Variants in PEX5L observed in about 807,000 individuals in gnomAD.
The protein encoded by PEX5L is peroxisomal biogenesis factor 5 like, also known as PEX5-related protein.
Under a neutral mutation model 84.0 loss-of-function variants are expected in PEX5L, and 30 were observed. The observed-to-expected ratio is 0.36, with a 90% CI of 0.27 to 0.48. PEX5L has a LOEUF of 0.48. PEX5L is among the 20% of genes least tolerant of loss of function. The pLI, the probability that PEX5L is intolerant of heterozygous loss-of-function variation, is 0.99. For synonymous variants in PEX5L, 270 were observed against 283.1 expected, an observed-to-expected ratio of 0.95 and a Z score of 0.46; for missense variants, 533 against 754.6, an observed-to-expected ratio of 0.71 and a Z score of 3.44.
intron 2 of PEX5L, among the ~76,000 whole-genome samples, chr3:179,903,608 A>T (rs1762163938): frequency 6.6e-6 from 1 of 152,182 alleles, no homozygotes; most frequent in Admixed American, 6.5e-5. Context: ...CCAAAAGGCT[A>T]ATTTTTGATG....
chr3:179,840,193 T>TG (rs1736647549), intron 8 of PEX5L, among the ~76,000 whole-genome samples: 4 of 144,006 alleles, frequency 2.8e-5, no homozygotes, highest in Admixed American at 6.9e-5. Context: ...GTTTTTTTTT[T>TG]TTTTTTTTTT....
chr3:179,984,218 C>T (rs1362998559), intron 1 of PEX5L, among the ~76,000 whole-genome samples: 1 of 151,910 alleles, frequency 6.6e-6, no homozygotes, highest in East Asian at 1.9e-4. Context: ...TTTTTTATTC[C>T]TATATTTCAA....
chr3:180,036,720 C>CA lies in PEX5L; in HGVS notation c.-122_-121insT. The CA allele has an allele frequency of 9.5e-7, 1 of 1,049,938 alleles. No individual in the cohort carries two copies. Among genetic ancestry groups the CA allele is most frequent in the Non-Finnish European group, 1.5e-6 (1 of 673,414 alleles). 65.0% of individuals were successfully genotyped at this position (1,049,938 alleles called of 1,614,324 possible). On this transcript the variant is annotated 5_prime_UTR_variant, in exon 1 of 15. Coordinates refer to ENST00000467460, the MANE Select transcript of PEX5L (RefSeq NM_016559.3). Reference sequence around the variant, plus strand: ...CGGGTTCTCAGAGGGTGCTCCTGAGCCCCCTGGAGCTCCGGGTACTCGGCC... The same window carrying CA: ...CGGGTTCTCAGAGGGTGCTCCTGAGCACCCCTGGAGCTCCGGGTACTCGGCC...
At chr3:179,929,463 A>AC (rs894498462) in intron 2 of PEX5L, among the ~76,000 whole-genome samples, 14 of 150,924 alleles carry the variant, frequency 9.3e-5, no homozygotes, top group African/African-American at 3.4e-4. Flanking sequence ...TTCATATTGC[A>AC]TTAGGTTGCA....
intron 1 of PEX5L, among the ~76,000 whole-genome samples, chr3:180,032,910 A>G (rs1477616422): frequency 6.6e-6 from 1 of 152,142 alleles, no homozygotes; most frequent in Admixed American, 6.5e-5. Context: ...AGAGAGGTGG[A>G]AGTACCCATG....
intron 1 of PEX5L, among the ~76,000 whole-genome samples, chr3:180,014,791 C>A (rs1373639855): frequency 6.7e-6 from 1 of 150,252 alleles, no homozygotes; most frequent in Admixed American, 6.6e-5. Flanking sequence ...AGCAGAGGAA[C>A]AAAGAAAAAC....
chr3:179,820,968 G>C (rs1199807729), intron 8 of PEX5L, among the ~76,000 whole-genome samples: 2 of 152,196 alleles, frequency 1.3e-5, no homozygotes, highest in Non-Finnish European at 1.5e-5. Context: ...CTTGATATCA[G>C]AGAGGAGGAC....
chr3:180,001,763 T>C (rs563111366), intron 1 of PEX5L, among the ~76,000 whole-genome samples: 3 of 152,324 alleles, frequency 2.0e-5, no homozygotes, highest in African/African-American at 4.8e-5. Context: ...GCTATTTTTA[T>C]AGTTTAGTCT....
chr3:179,899,944 A>G (rs1760740572), intron 2 of PEX5L, among the ~76,000 whole-genome samples: 1 of 152,242 alleles, frequency 6.6e-6, no homozygotes, highest in African/African-American at 2.4e-5. Context: ...GATTCATTGC[A>G]TAACAAATTG....
In PEX5L at chr3:179,807,739, A is replaced by G. The variant is rs1304280249; in HGVS notation, c.1611T>C (p.Ile537=). 6.2e-7 allele frequency: 1 copy of G among 1,614,058 alleles called. No individual in the cohort carries two copies. The highest frequency in any genetic ancestry group is 8.5e-7 in the Non-Finnish European group (1 of 1,180,034). The part of the protein sequence containing the change: ...AVEAYTRALE[I]QPGFIRSRYN... ...ATCTGGACCGGATGAATCCTGGCTG[A>G]ATCTCCAGTGCTCGCGTATAGGCCT... The change falls in exon 14 of 15, where the codon ATT becomes ATC. Residue 537 remains isoleucine (I), a synonymous_variant. Transcript: ENST00000467460.
intron 7 of PEX5L, among the ~76,000 whole-genome samples, chr3:179,870,824 G>A (rs1375707194): frequency 6.6e-6 from 1 of 152,074 alleles, no homozygotes; most frequent in African/African-American, 2.4e-5. Context: ...AACTTCCAGA[G>A]GTGGAAAGAA....
At position 179,909,582 on chromosome 3, in the gene PEX5L, T is replaced by C. The variant is rs144559767; in HGVS notation, c.94-11336A>G. ...ATAATAACAAACCAGTTTCTAATGA[T>C]TTGGGATTAATAACTGTCAGGAGCT... On this transcript the variant is annotated intron_variant, in intron 2 of 14. Coordinates refer to ENST00000467460, the MANE Select transcript of PEX5L (RefSeq NM_016559.3). 3.1e-4 allele frequency among the ~76,000 whole-genome samples: 47 copies of C among 152,294 alleles called. No homozygotes were observed. In the East Asian group the frequency reaches 9.1e-3, roughly 29 times the overall value.
At chr3:179,924,497 C>A (rs561880387) in intron 2 of PEX5L, among the ~76,000 whole-genome samples, 1 of 152,162 alleles carries the variant, frequency 6.6e-6, no homozygotes, top group Non-Finnish European at 1.5e-5. Flanking sequence ...ACTCTTACCA[C>A]GGCAAACACT....
rs757675732 is a variant in PEX5L at position 179,898,144 on chromosome 3, G to A, written c.196C>T (p.Gln66Ter). The A allele has an allele frequency of 6.3e-7, 1 of 1,599,794 alleles. No homozygotes were observed. Among genetic ancestry groups the A allele is most frequent in the Non-Finnish European group, 8.6e-7 (1 of 1,167,208 alleles). ...AGAAACCCTATGGGTCTGCCCACCT[G>A]TGATGTCATAGTAAGGAGGGGCTTT... ...EEKPLLTMTS[Q>*]LVNEQQESRP... The change falls in exon 3 of 15, where the codon CAG (glutamine) becomes TAG (stop). Residue 66 changes from glutamine to a stop codon, truncating the protein, a stop_gained and splice_region_variant. Transcript: ENST00000467460. LOFTEE classifies it high-confidence loss of function.
intron 8 of PEX5L, among the ~76,000 whole-genome samples, chr3:179,841,682 G>A (rs1737365010): frequency 6.6e-6 from 1 of 152,142 alleles, no homozygotes; most frequent in South Asian, 2.1e-4. Context: ...ACTTCTTAAA[G>A]TACTTGAAGT....
intron 2 of PEX5L, among the ~76,000 whole-genome samples, chr3:179,929,658 A>T (rs955356716): frequency 6.6e-6 from 1 of 152,220 alleles, no homozygotes; most frequent in Admixed American, 6.5e-5. Context: ...AGAGATGATT[A>T]TGAGTCCCTG....
intron 3 of PEX5L, among the ~76,000 whole-genome samples, chr3:179,891,817 G>A (rs1435868954): frequency 6.6e-6 from 1 of 152,086 alleles, no homozygotes; most frequent in African/African-American, 2.4e-5. Context: ...ACAAGTTTAT[G>A]ATATTTCCTT....
intron 8 of PEX5L, among the ~76,000 whole-genome samples, chr3:179,848,083 G>A (rs1740316669): frequency 6.6e-6 from 1 of 152,016 alleles, no homozygotes; most frequent in African/African-American, 2.4e-5. Context: ...AATAAAGTGT[G>A]TAACCTGCAG....
At chr3:180,031,027 C>T (rs1791408618) in intron 1 of PEX5L, among the ~76,000 whole-genome samples, 3 of 151,232 alleles carry the variant, frequency 2.0e-5, no homozygotes, top group Admixed American at 2.0e-4. Flanking sequence ...AAAAACAATC[C>T]AAAAGTTTGA....
Sources: gnomAD v4.1 joint callset for allele counts (sites outside exome capture counted in the v4.1 genomes callset) on GRCh38, gnomAD v4.1.1 for gene constraint, MANE v1.5 for transcripts, NCBI Gene and HGNC (gene_info 2026-07-23, HGNC 2026-07-21) for gene names.